FIGLA: variants seen among roughly 807,000 people sequenced by gnomAD.
The protein encoded by FIGLA is factor in the germline alpha.
In FIGLA, 17 loss-of-function variants were observed where a neutral mutation model predicts 21.5. The ratio of observed to expected loss-of-function variants is 0.79; its 90% confidence interval spans 0.54 to 1.19. FIGLA has a LOEUF of 1.19. Among genes scored for constraint, FIGLA ranks in the 50% most tolerant of loss-of-function variants. FIGLA has a pLI of 0.00. For missense variants in FIGLA, 282 were observed against 285.0 expected (o/e 0.99, Z 0.08); for synonymous variants, 129 against 117.6 (o/e 1.10, Z -0.63).
intron 3 of FIGLA, among the ~76,000 whole-genome samples, chr2:70,783,214 T>G (rs1344576766): frequency 6.6e-6 from 1 of 152,128 alleles, no homozygotes; most frequent in Non-Finnish European, 1.5e-5. Context: ...TCTATAAAAA[T>G]CTCAAACGTC....
intron 3 of FIGLA, among the ~76,000 whole-genome samples, chr2:70,778,597 T>G (rs1464653229): frequency 1.3e-5 from 2 of 152,322 alleles, no homozygotes; most frequent in East Asian, 3.9e-4. Flanking sequence ...TATAGTCTAC[T>G]GCATTTTAGA....
chr2:70,782,562 G>T (rs1199954332), intron 3 of FIGLA, among the ~76,000 whole-genome samples: 1 of 152,220 alleles, frequency 6.6e-6, no homozygotes, highest in Admixed American at 6.5e-5. Flanking sequence ...CCTGAGGATT[G>T]TATGGCGGTA....
chr2:70,782,658 C>G (rs924141607), intron 3 of FIGLA, among the ~76,000 whole-genome samples: 1 of 152,186 alleles, frequency 6.6e-6, no homozygotes, highest in Non-Finnish European at 1.5e-5. Flanking sequence ...TACACTGAAG[C>G]CTTAGGGGTG....
Position 70,790,542 on chromosome 2 carries a change from G to C in FIGLA, c.97C>G (p.Gln33Glu), listed in dbSNP as rs891017930. The C allele has an allele frequency of 3.9e-6, 6 of 1,534,424 alleles. No homozygotes were observed. The highest frequency in any genetic ancestry group is 5.2e-6 in the Non-Finnish European group (6 of 1,145,044). Residue 33 changes from glutamine to glutamate, a missense_variant, in exon 1 of 5, where the codon CAG (glutamine) becomes GAG (glutamate). Coordinates refer to ENST00000332372, the MANE Select transcript of FIGLA (RefSeq NM_001004311.3). The part of the protein sequence containing the change: ...AEVLEDVLRE[Q>E]FGPLPQLAAV... Reference sequence around the variant, plus strand: ...GCCAGCTGGGGCAGCGGCCCGAACTGCTCCCGCAACACGTCCTCCAGCACC... The same window carrying C: ...GCCAGCTGGGGCAGCGGCCCGAACTCCTCCCGCAACACGTCCTCCAGCACC...
chr2:70,789,096 G>A (rs1676009301), intron 1 of FIGLA, among the ~76,000 whole-genome samples: 1 of 151,938 alleles, frequency 6.6e-6, no homozygotes, highest in Non-Finnish European at 1.5e-5. Flanking sequence ...ATAAGAAAAT[G>A]CTTTTGATAA....
At position 70,785,277 on chromosome 2, in the gene FIGLA, C is replaced by A. The variant is rs1393625108; in HGVS notation, c.609+138G>T. On this transcript the variant is annotated intron_variant, in intron 3 of 4. Transcript: ENST00000332372. ...CAAAATAATCTCCCAAACTAGTAAA[C>A]CCCACTGCCCCACCCAAAGGCTTTC... 5.3e-6 allele frequency: 4 copies of A among 759,566 alleles called. No homozygotes were observed. The African/African-American group carries it at 7.0e-5, about 13-fold the overall frequency. The allele number at this position is 759,566 out of a possible 1,614,324, so 47.1% of individuals were successfully genotyped here.
At chr2:70,780,447 A>T (rs1210698620) in intron 3 of FIGLA, among the ~76,000 whole-genome samples, 3 of 152,164 alleles carry the variant, frequency 2.0e-5, no homozygotes, top group Non-Finnish European at 4.4e-5. Flanking sequence ...CTGAAACCTT[A>T]TGGAGTCACC....
chr2:70,778,021 C>A (rs756166603), intron 3 of FIGLA, among the ~76,000 whole-genome samples: 1 of 152,214 alleles, frequency 6.6e-6, no homozygotes, highest in Admixed American at 6.5e-5. Context: ...CCGCTCAAGT[C>A]ATGGTCAGGC....
chr2:70,787,805 G>C lies in FIGLA; in HGVS notation c.232-4C>G, dbSNP rs1553390268. 1.3e-5 allele frequency: 21 copies of C among 1,608,922 alleles called. No homozygotes were observed. In the East Asian group the frequency reaches 4.5e-4, roughly 34 times the overall value. On this transcript the variant is annotated splice_region_variant and splice_polypyrimidine_tract_variant and intron_variant, in intron 1 of 4. Transcript: ENST00000332372. Reference sequence around the variant, plus strand: ...AACCACGGTTGAGATTTTTTATCTAGAAAACAAAAAGGCACAGTAACACAC... The same window carrying C: ...AACCACGGTTGAGATTTTTTATCTACAAAACAAAAAGGCACAGTAACACAC...
At chr2:70,779,954 G>T (rs782354386) in intron 3 of FIGLA, among the ~76,000 whole-genome samples, 42 of 152,108 alleles carry the variant, frequency 2.8e-4, no homozygotes, top group Non-Finnish European at 4.9e-4. Flanking sequence ...CCCCAATATG[G>T]CAAAAACCTA....
At position 70,777,363 on chromosome 2, in the gene FIGLA, T is replaced by C. The variant is rs1487714072; in HGVS notation, c.*4A>G. The C allele has an allele frequency of 6.1e-5, 92 of 1,497,750 alleles. No homozygotes were observed. The highest frequency in any genetic ancestry group is 8.0e-5 in the Non-Finnish European group (89 of 1,118,568). 92.8% of individuals were successfully genotyped at this position (1,497,750 alleles called of 1,614,324 possible). A position where few individuals can be genotyped will look rare whatever the true frequency, so the allele number is the denominator to read the frequency against. ...TAGAAGGTAACCCTGGGCCTTTTCA[T>C]TTTTCATACTTGTGGAAGTCTGAAA... On this transcript the variant is annotated 3_prime_UTR_variant, in exon 5 of 5. Transcript: ENST00000332372.
chr2:70,789,726 A>G (rs372447836), intron 1 of FIGLA, among the ~76,000 whole-genome samples: 2 of 152,126 alleles, frequency 1.3e-5, no homozygotes, highest in African/African-American at 4.8e-5. Context: ...GAAGGAGACC[A>G]TGTCTCCCAA....
At position 70,785,579 on chromosome 2, in the gene FIGLA, C is replaced by T. The variant is rs367936287; in HGVS notation, c.445G>A (p.Ala149Thr). 1.9e-6 allele frequency: 3 copies of T among 1,613,938 alleles called. No homozygotes were observed. The highest frequency in any genetic ancestry group is 1.7e-6 in the Non-Finnish European group (2 of 1,179,882). ...GTGATGTTTCTTGACAGCTGTCTTG[C>T]CGAGGATGTATGTGATTCAGAACTG... ...NNSSESHTSS[A>T]RQLSRNITQH... Residue 149 changes from alanine (A) to threonine (T), a missense_variant, in exon 3 of 5, where the codon GCA becomes ACA. Physicochemically the swap from Ala to Thr is moderately conservative, Grantham distance 58. Transcript: ENST00000332372.
Position 70,790,483 on chromosome 2 carries a change from G to A in FIGLA, c.156C>T (p.Gly52=), listed in dbSNP as rs1038856753. Residue 52 remains glycine (G), a synonymous_variant, in exon 1 of 5, where the codon GGC becomes GGT. Transcript: ENST00000332372. ...AVCRLKRLPS[G]GYSSTENLQL... ...GGAGGTTTTCAGTGGACGAGTAGCC[G>A]CCCGAGGGCAGCCGCTTGAGCCGGC... 7.9e-5 allele frequency: 122 copies of A among 1,544,172 alleles called. No homozygotes were observed. Among genetic ancestry groups the A allele is most frequent in the African/African-American group, 9.6e-5 (7 of 72,836 alleles).
intron 4 of FIGLA, 74 bp from the exon 5 acceptor site, chr2:70,777,456 C>A: frequency 7.4e-7 from 1 of 1,347,856 alleles, no homozygotes; most frequent in South Asian, 1.5e-5. Context: ...AAGAAATATG[C>A]AAAAAATTAA....
Position 70,790,554 on chromosome 2 carries a change from C to T in FIGLA, c.85G>A (p.Val29Met). ...GTPQAEVLED[V>M]LREQFGPLPQ... ...AGCGGCCCGAACTGCTCCCGCAACA[C>T]GTCCTCCAGCACCTCGGCTTGCGGG... The change falls in exon 1 of 5, where the codon GTG becomes ATG. Residue 29 changes from valine to methionine, a missense_variant. By Grantham distance (21) the Val-to-Met change is conservative. Transcript: ENST00000332372. The T allele has an allele frequency of 6.5e-7, 1 of 1,531,202 alleles. No individual in the cohort carries two copies. The highest frequency in any genetic ancestry group is 1.2e-5 in the South Asian group (1 of 83,190). The allele number at this position is 1,531,202 out of a possible 1,614,324, so 94.9% of individuals were successfully genotyped here. A position where few individuals can be genotyped will look rare whatever the true frequency, so the allele number is the denominator to read the frequency against.
intron 3 of FIGLA, among the ~76,000 whole-genome samples, chr2:70,783,652 G>A (rs1675896301): frequency 6.6e-6 from 1 of 151,918 alleles, no homozygotes; most frequent in South Asian, 2.1e-4. Context: ...AGCATTTGCA[G>A]AAGCATTACT....
chr2:70,778,170 C>T (rs561539996), intron 3 of FIGLA, among the ~76,000 whole-genome samples: 10 of 152,284 alleles, frequency 6.6e-5, no homozygotes, highest in Non-Finnish European at 1.2e-4. Flanking sequence ...TTTGTTAGAA[C>T]GAAAGTGGTT....
intron 3 of FIGLA, among the ~76,000 whole-genome samples, chr2:70,781,022 T>C (rs1675846393): frequency 1.3e-5 from 2 of 151,894 alleles, no homozygotes; most frequent in African/African-American, 2.4e-5. Flanking sequence ...AAGAAGTCCA[T>C]GGAAAGGGGC....
Sources: allele counts gnomAD v4.1 joint callset (sites outside exome capture counted in the v4.1 genomes callset), GRCh38; gene constraint gnomAD v4.1.1; transcripts MANE v1.5; gene names NCBI Gene and HGNC (gene_info 2026-07-23, HGNC 2026-07-21).